The following SUV39H1 variants were observed in gnomAD, a reference collection of about 807,000 sequenced individuals.
SUV39H1 encodes the protein SUV39H1 histone lysine methyltransferase.
For missense variants in SUV39H1, 180 were observed against 386.3 expected (o/e 0.47, Z 4.48); for synonymous variants, 141 against 150.5 (o/e 0.94, Z 0.46).
intron 3 of SUV39H1, among the ~76,000 whole-genome samples, chrX:48,704,289 GAC>G (rs782081960): frequency 1.8e-5 from 2 of 111,947 alleles, no homozygotes; most frequent in East Asian, 5.6e-4. Flanking sequence ...CTCCTGGTGA[GAC>G]TGGGAGAGCA....
rs1557008663 is a variant in SUV39H1, at chrX:48,696,774, C to T, written c.-11C>T. 2.6e-6 allele frequency: 3 copies of T among 1,139,133 alleles called. No individual in the cohort carries two copies. Among genetic ancestry groups the T allele is most frequent in the African/African-American group, 1.9e-5 (1 of 53,304 alleles). The allele number at this position is 1,139,133 out of a possible 1,213,427, so 93.9% of individuals were successfully genotyped here. On this transcript the variant is annotated 5_prime_UTR_variant, in exon 1 of 6. Transcript: ENST00000376687. ...CCGGCTAGGCCCGAATGTCGTTAGC[C>T]GTGGGGAAAGATGGCGGAAAATTTA...
At chrX:48,696,634 G>A (rs934792687), upstream of SUV39H1, 1 of 739,851 alleles carries the variant, frequency 1.4e-6, no homozygotes, top group Non-Finnish European at 1.8e-6. Context: ...CGGGCGGCAG[G>A]GAGGGGTTCG....
intron 3 of SUV39H1, among the ~76,000 whole-genome samples, chrX:48,701,134 C>T (rs1208294867): frequency 9.0e-6 from 1 of 111,537 alleles, no homozygotes; most frequent in Non-Finnish European, 1.9e-5. Flanking sequence ...AAGGGCCCAT[C>T]TTATCACCAA....
chrX:48,696,516 G>T (rs1259814277), upstream of SUV39H1: 1 of 290,812 alleles, frequency 3.4e-6, no homozygotes, highest in Non-Finnish European at 6.0e-6. Context: ...ACCAGCGCAC[G>T]GGCAGGGCCT....
At chrX:48,707,073 C>T (rs916166140) in intron 5 of SUV39H1, among the ~76,000 whole-genome samples, 8 of 110,147 alleles carry the variant, frequency 7.3e-5, no homozygotes, top group Non-Finnish European at 1.1e-4. Flanking sequence ...TCAGATGTAC[C>T]TCTGGATGCC....
chrX:48,696,573 C>G (rs2062456083), upstream of SUV39H1: 1 of 383,801 alleles, frequency 2.6e-6, no homozygotes, highest in East Asian at 5.9e-5. Flanking sequence ...GCCGCCGCCG[C>G]CCAGACGCAC....
chrX:48,696,672 G>A (rs2062456541), upstream of SUV39H1: 3 of 1,018,978 alleles, frequency 2.9e-6, no homozygotes, highest in African/African-American at 4.0e-5. Context: ...GGTCCGCGCG[G>A]GTGCTGCGAG....
rs1377597780 is a variant in SUV39H1 at position 48,698,765 on chromosome X, T to G, written c.20-137T>G. On this transcript the variant is annotated intron_variant, in intron 1 of 5. Transcript: ENST00000376687. ...TTCTGTTGTAGAACAGTCTCAGCACTGGGGAAGGCCTGTGGATTAAATTTC... is the reference window on the plus strand; with the variant it reads ...TTCTGTTGTAGAACAGTCTCAGCACGGGGGAAGGCCTGTGGATTAAATTTC... The G allele has an allele frequency of 7.9e-6, 6 of 763,081 alleles. No individual in the cohort carries two copies. The African/African-American group carries it at 1.3e-4, about 16-fold the overall frequency. The allele number at this position is 763,081 out of a possible 1,213,427, so 62.9% of individuals were successfully genotyped here.
chrX:48,697,935 C>T (rs1395388488), intron 1 of SUV39H1, among the ~76,000 whole-genome samples: 3 of 112,438 alleles, frequency 2.7e-5, no homozygotes, highest in Non-Finnish European at 5.6e-5. Flanking sequence ...TGTCACTAAT[C>T]TGTACCGCTT....
chrX:48,707,801 C>A lies in SUV39H1; in HGVS notation c.*231C>A. 4.1e-6 allele frequency: 2 copies of A among 487,941 alleles called. No homozygotes were observed. Among genetic ancestry groups the A allele is most frequent in the Non-Finnish European group, 7.4e-6 (2 of 270,500 alleles). 40.2% of individuals were successfully genotyped at this position (487,941 alleles called of 1,213,427 possible). A position where few individuals can be genotyped will look rare whatever the true frequency, so the allele number is the denominator to read the frequency against. On this transcript the variant is annotated 3_prime_UTR_variant, in exon 6 of 6. Transcript: ENST00000376687. ...TGGGTTGCACTTACAAACCCCCACC[C>A]ACCTTCAGAAATAGTTTTTCAACAT...
chrX:48,695,969 ATC>A (rs782367616), upstream of SUV39H1: 325 of 1,069,100 alleles, frequency 3.0e-4, 1 homozygote, highest in East Asian at 8.8e-3. Flanking sequence ...ATGAGAAGTA[ATC>A]TGAGGGAAAG....
intron 3 of SUV39H1, among the ~76,000 whole-genome samples, chrX:48,704,155 G>A (rs2062483597): frequency 9.0e-6 from 1 of 111,199 alleles, no homozygotes; most frequent in Admixed American, 9.5e-5. Flanking sequence ...CTGTTAGGGA[G>A]CAGAGACAGG....
At chrX:48,696,859 G>A in intron 1 of SUV39H1, 56 bp downstream of exon 1, 1 of 983,974 alleles carries the variant, frequency 1.0e-6, no homozygotes, top group Non-Finnish European at 1.3e-6. Context: ...TGGGCTGGAG[G>A]GGTGGCGTTG....
upstream of SUV39H1, among the ~76,000 whole-genome samples, chrX:48,696,147 G>C (rs189333931): frequency 6.2e-4 from 70 of 112,923 alleles, no homozygotes; most frequent in African/African-American, 2.2e-3. Context: ...GGTGGGTGGA[G>C]AGGAGGACTG....
In SUV39H1 at chrX:48,706,193, G is replaced by T. The variant is rs983406265; in HGVS notation, c.829-72G>T. The T allele has an allele frequency of 8.9e-5, 102 of 1,146,115 alleles. No individual in the cohort carries two copies. In the East Asian group the frequency reaches 2.5e-3, roughly 28 times the overall value. The allele number at this position is 1,146,115 out of a possible 1,213,427, so 94.5% of individuals were successfully genotyped here. A position where few individuals can be genotyped will look rare whatever the true frequency, so the allele number is the denominator to read the frequency against. ...GGTGCCTCCTGCTCCCTGTCCTTCA[G>T]AAGTCAGGAGCAGTGCCGGCTTTCC... On this transcript the variant is annotated intron_variant, in intron 3 of 5. Transcript: ENST00000376687.
chrX:48,697,948 C>T (rs2062461977), intron 1 of SUV39H1, among the ~76,000 whole-genome samples: 1 of 112,199 alleles, frequency 8.9e-6, no homozygotes, highest in Non-Finnish European at 1.9e-5. Flanking sequence ...TACCGCTTTG[C>T]GTATAAATTC....
rs1557009271 is a variant in SUV39H1, at chrX:48,700,483, T to C, written c.558T>C (p.Cys186=). The stretch of plus-strand genomic sequence containing the variant: ...CTGTGGGCTGCGAGTGCCAGGACTG[T>C]CTGTGGGCACCCACTGGAGGCTGCT... ...QVAVGCECQD[C]LWAPTGGCCP... is the part of the protein sequence containing the mutation. Residue 186 remains cysteine, a synonymous_variant, in exon 3 of 6, where the codon TGT becomes TGC. Coordinates refer to ENST00000376687, the MANE Select transcript of SUV39H1 (RefSeq NM_003173.4). The C allele has an allele frequency of 2.5e-6, 3 of 1,212,051 alleles. No individual in the cohort carries two copies.
chrX:48,695,600 G>C, upstream of SUV39H1: 3 of 1,086,202 alleles, frequency 2.8e-6, no homozygotes, highest in Non-Finnish European at 3.6e-6. Context: ...GGAGGGCCTG[G>C]CTGGGTGCTC....
In SUV39H1 at chrX:48,707,666, TCGCCTGCCTC is replaced by T. The variant is rs1179843608; in HGVS notation, c.*98_*107del. ...CCTGTCGAGAATGACTGCCAGGGCC[TCGCCTGCCTC>T]CACCTGCCCCCACCTGCTCCTACCT... On this transcript the variant is annotated 3_prime_UTR_variant, in exon 6 of 6. Transcript: ENST00000376687. 1.1e-5 allele frequency: 12 copies of T among 1,070,557 alleles called. No homozygotes were observed. Among genetic ancestry groups the T allele is most frequent in the Admixed American group, 2.2e-5 (1 of 44,573 alleles). The allele number at this position is 1,070,557 out of a possible 1,213,427, so 88.2% of individuals were successfully genotyped here.
Sources: allele counts gnomAD v4.1 joint callset (sites outside exome capture counted in the v4.1 genomes callset), GRCh38; gene constraint gnomAD v4.1.1; transcripts MANE v1.5; gene names NCBI Gene and HGNC (gene_info 2026-07-23, HGNC 2026-07-21).